The following CHSY3 variants were observed in gnomAD, a reference collection of about 807,000 sequenced individuals.
The protein encoded by CHSY3 is chondroitin sulfate synthase 3.
CHSY3 carries 35 observed loss-of-function variants against 67.2 expected under a neutral mutation model. The observed-to-expected ratio is 0.52, with a 90% CI of 0.40 to 0.69. The LOEUF is 0.69. Ranked by LOEUF, CHSY3 falls within the 30% of genes least tolerant of loss-of-function variation. The pLI is 0.00. For missense variants in CHSY3, 1,069 were observed against 1,138.5 expected (o/e 0.94, Z 0.88); for synonymous variants, 474 against 434.7 (o/e 1.09, Z -1.12).
At chr5:130,169,962 C>CT (rs5871383) in intron 2 of CHSY3, among the ~76,000 whole-genome samples, 2,133 of 151,952 alleles carry the variant, frequency 0.014, 56 homozygotes, top group African/African-American at 0.049. Flanking sequence ...TACCATCTTT[C>CT]TTTTATTTTT....
chr5:130,021,631 C>A (rs1358130957), intron 2 of CHSY3, among the ~76,000 whole-genome samples: 3 of 151,998 alleles, frequency 2.0e-5, no homozygotes, highest in Non-Finnish European at 4.4e-5. Flanking sequence ...AAAGTTTATT[C>A]TGTCAAATCT....
intron 2 of CHSY3, among the ~76,000 whole-genome samples, chr5:130,148,655 T>C (rs1769143517): frequency 6.6e-6 from 1 of 152,206 alleles, no homozygotes; most frequent in South Asian, 2.1e-4. Context: ...AGTGATGTTG[T>C]TGAGCTTTTT....
intron 2 of CHSY3, chr5:130,140,360 G>T: frequency 1.7e-6 from 1 of 597,808 alleles, no homozygotes; most frequent in East Asian, 3.2e-5. Context: ...GAGACAAAAA[G>T]CTTCTATCCA....
intron 2 of CHSY3, among the ~76,000 whole-genome samples, chr5:130,130,196 C>G (rs1768435471): frequency 1.3e-5 from 2 of 151,962 alleles, no homozygotes; most frequent in South Asian, 4.2e-4. Flanking sequence ...AGTAAATATT[C>G]CCCCTTAAGT....
chr5:130,147,167 A>C (rs1377505111), intron 2 of CHSY3, among the ~76,000 whole-genome samples: 1 of 152,156 alleles, frequency 6.6e-6, no homozygotes, highest in African/African-American at 2.4e-5. Flanking sequence ...CAAAGAAGTT[A>C]AAAGGTTAAA....
At chr5:130,130,334 G>A (rs1457392815) in intron 2 of CHSY3, among the ~76,000 whole-genome samples, 1 of 151,988 alleles carries the variant, frequency 6.6e-6, no homozygotes, top group Non-Finnish European at 1.5e-5. Flanking sequence ...AGAATTTCTT[G>A]CCATGTAATC....
intron 2 of CHSY3, among the ~76,000 whole-genome samples, chr5:130,072,793 A>G (rs1330217805): frequency 2.0e-5 from 3 of 152,168 alleles, no homozygotes; most frequent in Non-Finnish European, 4.4e-5. Context: ...ATCTGTAAAC[A>G]TTGAATACTG....
At chr5:130,122,372 A>G (rs1045030016) in intron 2 of CHSY3, among the ~76,000 whole-genome samples, 1 of 152,158 alleles carries the variant, frequency 6.6e-6, no homozygotes, top group Admixed American at 6.5e-5. Flanking sequence ...TCTAAGCCAA[A>G]CTGTTGATTT....
chr5:129,930,332 CA>C (rs57461404), intron 2 of CHSY3, among the ~76,000 whole-genome samples: 1,710 of 74,154 alleles, frequency 0.023, 12 homozygotes, highest in African/African-American at 0.059. Context: ...GACTCTATCT[CA>C]AAAAAAAAAA....
At chr5:129,964,096 G>T (rs1375344068) in intron 2 of CHSY3, among the ~76,000 whole-genome samples, 2 of 151,912 alleles carry the variant, frequency 1.3e-5, no homozygotes, top group South Asian at 2.1e-4. Context: ...AAGGAAGTCT[G>T]TGCTGGATGA....
intron 2 of CHSY3, among the ~76,000 whole-genome samples, chr5:130,044,082 G>T (rs550446706): frequency 6.6e-6 from 1 of 152,128 alleles, no homozygotes; most frequent in East Asian, 1.9e-4. Context: ...TAAATCTTCA[G>T]CAAATATAAA....
At chr5:129,940,561 T>C (rs1389142472) in intron 2 of CHSY3, among the ~76,000 whole-genome samples, 2 of 152,152 alleles carry the variant, frequency 1.3e-5, no homozygotes, top group East Asian at 1.9e-4. Context: ...ATATGCTTTT[T>C]ACATTTTGGA....
chr5:129,952,657 C>T (rs1467404170), intron 2 of CHSY3, among the ~76,000 whole-genome samples: 8 of 152,074 alleles, frequency 5.3e-5, no homozygotes, highest in African/African-American at 1.9e-4. Flanking sequence ...CCAGAGAGTG[C>T]GTTTTATTTC....
intron 2 of CHSY3, among the ~76,000 whole-genome samples, chr5:129,972,211 C>A (rs1468132767): frequency 6.6e-6 from 1 of 151,804 alleles, no homozygotes; most frequent in East Asian, 1.9e-4. Context: ...ATAACCAGTC[C>A]CCAAGTTTAA....
At chr5:130,156,021 G>A (rs1272284270) in intron 2 of CHSY3, among the ~76,000 whole-genome samples, 1 of 152,208 alleles carries the variant, frequency 6.6e-6, no homozygotes, top group Non-Finnish European at 1.5e-5. Flanking sequence ...CTTATGGTAT[G>A]AGGAGTGCAG....
At chr5:130,088,230 T>A (rs1163734326) in intron 2 of CHSY3, among the ~76,000 whole-genome samples, 6 of 152,124 alleles carry the variant, frequency 3.9e-5, no homozygotes, top group South Asian at 2.1e-4. Context: ...AGATGGATTA[T>A]AGACTTAAAC....
At chr5:130,124,905 C>A (rs1476207234) in intron 2 of CHSY3, among the ~76,000 whole-genome samples, 1 of 152,182 alleles carries the variant, frequency 6.6e-6, no homozygotes, top group Non-Finnish European at 1.5e-5. Flanking sequence ...AGTGTGATTT[C>A]TCTCTCCTTA....
chr5:130,150,508 G>C (rs73788420), intron 2 of CHSY3, among the ~76,000 whole-genome samples: 7,310 of 152,090 alleles, frequency 0.048, 398 homozygotes, highest in East Asian at 0.27. Context: ...TTAAAATATT[G>C]ATAAGTAGAG....
At chr5:130,137,464 C>T (rs1768701890) in intron 2 of CHSY3, among the ~76,000 whole-genome samples, 2 of 152,074 alleles carry the variant, frequency 1.3e-5, no homozygotes. Context: ...CCCTGAAGCA[C>T]TATATTATAT....
Sources: gnomAD v4.1 joint callset for allele counts (sites outside exome capture counted in the v4.1 genomes callset) on GRCh38, gnomAD v4.1.1 for gene constraint, MANE v1.5 for transcripts, NCBI Gene and HGNC (gene_info 2026-07-23, HGNC 2026-07-21) for gene names.